The following TFG variants were observed in gnomAD, a reference collection of about 807,000 sequenced individuals.
TFG encodes protein TFG.
TFG carries 22 observed loss-of-function variants against 51.4 expected under a neutral mutation model. The observed-to-expected ratio is 0.43, with a 90% CI of 0.31 to 0.61. TFG has a LOEUF of 0.61. TFG is among the 20% of genes least tolerant of loss of function. The pLI is 0.12. For synonymous variants in TFG, 187 were observed against 165.6 expected, an observed-to-expected ratio of 1.13 and a Z score of -0.99; for missense variants, 419 against 487.7, an observed-to-expected ratio of 0.86 and a Z score of 1.33.
intron 3 of TFG, among the ~76,000 whole-genome samples, chr3:100,720,281 G>T (rs200277448): frequency 1.2e-5 from 1 of 85,494 alleles, no homozygotes; most frequent in Non-Finnish European, 2.7e-5. Context: ...TGTTAAGTAT[G>T]TTTTTTTTGA....
At chr3:100,746,842 A>G (rs1576381437) in intron 7 of TFG, among the ~76,000 whole-genome samples, 3 of 152,324 alleles carry the variant, frequency 2.0e-5, no homozygotes, top group South Asian at 4.1e-4. Context: ...CATTTTCAGT[A>G]TAAAGCTGAA....
intron 2 of TFG, among the ~76,000 whole-genome samples, chr3:100,715,975 T>C (rs561914739): frequency 6.6e-6 from 1 of 152,106 alleles, no homozygotes; most frequent in Non-Finnish European, 1.5e-5. Flanking sequence ...TACATATTTA[T>C]GGGGTACATA....
chr3:100,748,313 T>C lies in TFG; in HGVS notation c.985T>C (p.Tyr329His), dbSNP rs1308327849. 6.2e-7 allele frequency: 1 copy of C among 1,614,010 alleles called. No homozygotes were observed. Among genetic ancestry groups the C allele is most frequent in the Non-Finnish European group, 8.5e-7 (1 of 1,179,960 alleles). The part of the protein sequence containing the change: ...YQASNYPAQT[Y>H]TAQTSQPTNY... ...GGCGAGCAATTATCCTGCACAAACT[T>C]ACACTGCCCAAACTTCTCAGCCTAC... is the stretch of plus-strand genomic sequence containing the variant. Residue 329 changes from tyrosine (Y) to histidine (H), a missense_variant, in exon 8 of 8, where the codon TAC becomes CAC. Tyr to His is a moderately conservative substitution (Grantham distance 83). Coordinates refer to ENST00000240851, the MANE Select transcript of TFG (RefSeq NM_006070.6).
chr3:100,710,823 G>A (rs1410571727), intron 1 of TFG: 1 of 152,226 alleles, frequency 6.6e-6, no homozygotes, highest in East Asian at 1.9e-4. Flanking sequence ...GCAGTTCTAG[G>A]AACTAGTTAA....
At chr3:100,734,434 C>G (rs1045395802) in intron 5 of TFG, among the ~76,000 whole-genome samples, 1 of 152,080 alleles carries the variant, frequency 6.6e-6, no homozygotes, top group Non-Finnish European at 1.5e-5. Flanking sequence ...ACCTTCACTT[C>G]CGGGATTTTC....
Position 100,748,249 on chromosome 3 carries a change from G to A in TFG, c.921G>A (p.Gln307=), listed in dbSNP as rs1012121316. 1.2e-6 allele frequency: 2 copies of A among 1,614,090 alleles called. No homozygotes were observed. Among genetic ancestry groups the A allele is most frequent in the Non-Finnish European group, 1.7e-6 (2 of 1,179,988 alleles). ...CACCAGCTCCTGCCTTTTCTGGTCA[G>A]CCTCAACAACTGCCTGCTCAGCCGC... ...SQAPAPAFSG[Q]PQQLPAQPPQ... The change falls in exon 8 of 8, where the codon CAG becomes CAA. Residue 307 remains glutamine, a synonymous_variant. Transcript: ENST00000240851.
rs111356679 is a variant in TFG at position 100,748,388 on chromosome 3, C to G, written c.1060C>G (p.Pro354Ala). The change falls in exon 8 of 8, where the codon CCT becomes GCT. Residue 354 changes from proline to alanine, a missense_variant. Transcript: ENST00000240851. ...ASQPGMAPSQ[P>A]GAYQPRPGFT... ...TCAACCTGGAATGGCTCCAAGCCAA[C>G]CTGGGGCCTATCAACCAAGACCAGG... 2,110 of 1,614,138 alleles carry G rather than the reference C, an allele frequency of 1.3e-3. 9 individuals carry two copies. Among genetic ancestry groups the G allele is most frequent in the Middle Eastern group, 9.6e-3 (58 of 6,062 alleles).
chr3:100,717,120 A>G (rs952349208), intron 2 of TFG, among the ~76,000 whole-genome samples: 3 of 152,170 alleles, frequency 2.0e-5, no homozygotes, highest in African/African-American at 7.2e-5. Context: ...CGACCTATTA[A>G]AGAGGTTATC....
intron 1 of TFG, among the ~76,000 whole-genome samples, chr3:100,713,385 T>C (rs1334942528): frequency 1.3e-5 from 2 of 152,176 alleles, no homozygotes; most frequent in African/African-American, 4.8e-5. Flanking sequence ...TATTTTTAGA[T>C]ATATTAAGAA....
At chr3:100,724,658 C>A (rs1053465421) in intron 3 of TFG, among the ~76,000 whole-genome samples, 1 of 152,080 alleles carries the variant, frequency 6.6e-6, no homozygotes, top group Non-Finnish European at 1.5e-5. Flanking sequence ...AAAATGCAAA[C>A]CAGTGTCACG....
At chr3:100,727,235 G>A (rs773643790) in intron 3 of TFG, among the ~76,000 whole-genome samples, 1 of 152,204 alleles carries the variant, frequency 6.6e-6, no homozygotes, top group Non-Finnish European at 1.5e-5. Context: ...TACCAGACCA[G>A]TTTCTGGCTG....
intron 2 of TFG, among the ~76,000 whole-genome samples, chr3:100,714,925 C>A (rs933617076): frequency 6.6e-6 from 1 of 152,144 alleles, no homozygotes; most frequent in Admixed American, 6.5e-5. Context: ...ACTGTATTTC[C>A]TATTCTTCAA....
chr3:100,719,934 T>C (rs200340854), intron 2 of TFG, 41 bp from the exon 3 acceptor site: 1 of 1,329,536 alleles, frequency 7.5e-7, no homozygotes, highest in African/African-American at 1.5e-5. Context: ...TCTGAAAATT[T>C]AAAAAATTAA....
intron 3 of TFG, among the ~76,000 whole-genome samples, chr3:100,725,042 T>C (rs2095071224): frequency 1.3e-5 from 2 of 152,198 alleles, no homozygotes; most frequent in Non-Finnish European, 2.9e-5. Flanking sequence ...TAGCTGGGAC[T>C]ACAGGCACCT....
intron 3 of TFG, among the ~76,000 whole-genome samples, chr3:100,724,842 T>C (rs1406033713): frequency 2.0e-5 from 3 of 152,216 alleles, no homozygotes; most frequent in Admixed American, 2.0e-4. Context: ...AGATCATCTC[T>C]AGATAAAGAA....
intron 2 of TFG, among the ~76,000 whole-genome samples, chr3:100,714,620 T>G (rs1285859707): frequency 2.6e-5 from 4 of 152,218 alleles, no homozygotes; most frequent in Admixed American, 6.5e-5. Flanking sequence ...CTGGTTTCTT[T>G]TAGCTTAAAA....
Position 100,748,135 on chromosome 3 carries a change from T to C in TFG, c.821-14T>C, listed in dbSNP as rs780789453. On this transcript the variant is annotated splice_polypyrimidine_tract_variant and intron_variant, in intron 7 of 7. Coordinates refer to ENST00000240851, the MANE Select transcript of TFG (RefSeq NM_006070.6). The stretch of plus-strand genomic sequence containing the variant: ...TAAAAGATAAGATACATGTTATTTA[T>C]TTTGCCTTTTCAGCAAGCTATAGTC... 32 of 1,606,918 alleles carry C rather than the reference T, an allele frequency of 2.0e-5. No individual in the cohort carries two copies. The East Asian group carries it at 5.1e-4, about 26-fold the overall frequency.
chr3:100,716,705 T>C (rs952376828), intron 2 of TFG, among the ~76,000 whole-genome samples: 3 of 152,216 alleles, frequency 2.0e-5, no homozygotes, highest in African/African-American at 7.2e-5. Context: ...GCATTTGTTA[T>C]TTATCTTTTT....
At chr3:100,719,946 AAAC>A (rs1416518807) in intron 2 of TFG, 26 bp from the exon 3 acceptor site, 10 of 1,427,272 alleles carry the variant, frequency 7.0e-6, no homozygotes, top group African/African-American at 2.9e-5. Flanking sequence ...AAAAATTAAA[AAAC>A]AACCTTTTTT....
Sources: allele counts gnomAD v4.1 joint callset (sites outside exome capture counted in the v4.1 genomes callset), GRCh38; gene constraint gnomAD v4.1.1; transcripts MANE v1.5; gene names NCBI Gene and HGNC (gene_info 2026-07-23, HGNC 2026-07-21).